The following TTC3 variants were observed in gnomAD, a reference collection of about 807,000 sequenced individuals.
TTC3 encodes E3 ubiquitin-protein ligase TTC3.
In TTC3, 180 loss-of-function variants were observed where a neutral mutation model predicts 249.6. The ratio of observed to expected loss-of-function variants is 0.72; its 90% CI spans 0.64 to 0.82. TTC3 has a LOEUF of 0.82. Among genes scored for constraint, TTC3 ranks in the 40% least tolerant of loss-of-function variants. The probability of loss-of-function intolerance (pLI) is 0.00; values close to 1 mark genes in which losing one functional copy is unlikely to be tolerated. For synonymous variants in TTC3, 717 were observed against 805.0 expected (o/e 0.89, Z 1.85); for missense variants, 2,061 against 2,398.4 (o/e 0.86, Z 2.94).
chr21:37,146,332 C>G (rs1245208128), intron 21 of TTC3, among the ~76,000 whole-genome samples: 1 of 152,046 alleles, frequency 6.6e-6, no homozygotes, highest in Non-Finnish European at 1.5e-5. Flanking sequence ...AGTTCAAGAC[C>G]AGCCTGGGCA....
chr21:37,121,626 C>A (rs556576461), intron 11 of TTC3, among the ~76,000 whole-genome samples, 191 bp from the exon 12 acceptor site: 14 of 152,234 alleles, frequency 9.2e-5, no homozygotes, highest in Non-Finnish European at 1.9e-4. Context: ...GTATTTATAA[C>A]TTTTCACTTA....
chr21:37,090,334 A>G, intron 6 of TTC3, 48 bp downstream of exon 6: 2 of 1,481,164 alleles, frequency 1.4e-6, no homozygotes, highest in Non-Finnish European at 1.9e-6. Context: ...GATGAGTGGC[A>G]GTCATCTCAC....
intron 10 of TTC3, chr21:37,108,112 G>A (rs1020358708): frequency 7.6e-6 from 2 of 264,046 alleles, no homozygotes; most frequent in Non-Finnish European, 1.4e-5. Context: ...GCTATGCATA[G>A]GTACAATGTC....
chr21:37,140,735 T>C, intron 20 of TTC3, 62 bp downstream of exon 20: 1 of 1,122,806 alleles, frequency 8.9e-7, no homozygotes, highest in Non-Finnish European at 1.3e-6. Flanking sequence ...TCCAATGTGA[T>C]AATGATCCAT....
At chr21:37,152,394 T>C (rs943581002) in intron 26 of TTC3, among the ~76,000 whole-genome samples, 1 of 150,610 alleles carries the variant, frequency 6.6e-6, no homozygotes, top group Non-Finnish European at 1.5e-5. Context: ...TTTTTTTTGT[T>C]TTTTTTTTTT....
chr21:37,199,029 T>C (rs2085223951), intron 44 of TTC3, among the ~76,000 whole-genome samples: 2 of 152,230 alleles, frequency 1.3e-5, no homozygotes, highest in Admixed American at 6.5e-5. Flanking sequence ...GGTCTGGCAC[T>C]TCCTCTTCTT....
At chr21:37,199,668 A>C (rs556607918) in intron 44 of TTC3, among the ~76,000 whole-genome samples, 2 of 152,242 alleles carry the variant, frequency 1.3e-5, no homozygotes, top group Non-Finnish European at 2.9e-5. Flanking sequence ...CCTTACCCTG[A>C]GGCAACCACT....
chr21:37,114,532 A>T (rs2075958324), intron 11 of TTC3, among the ~76,000 whole-genome samples: 1 of 152,212 alleles, frequency 6.6e-6, no homozygotes, highest in Non-Finnish European at 1.5e-5. Context: ...TCAAGAAACA[A>T]CAGGTGCTGG....
chr21:37,191,297 A>T (rs1241639607), intron 39 of TTC3, 37 bp from the exon 40 acceptor site: 2 of 1,460,580 alleles, frequency 1.4e-6, no homozygotes, highest in South Asian at 2.7e-5. Context: ...TTTAATTTTT[A>T]AAATTTCTAA....
chr21:37,095,210 A>C, intron 8 of TTC3, 140 bp from the exon 9 acceptor site: 1 of 591,494 alleles, frequency 1.7e-6, no homozygotes. Context: ...TGGGTATTGT[A>C]ATCTCATTTT....
At chr21:37,137,637 TTGAAA>T (rs2078077217) in intron 18 of TTC3, among the ~76,000 whole-genome samples, 1 of 152,158 alleles carries the variant, frequency 6.6e-6, no homozygotes. Flanking sequence ...TGGAATATTG[TTGAAA>T]TGAGAAACTT....
intron 28 of TTC3, 116 bp downstream of exon 28, chr21:37,157,022 C>A (rs60575476): frequency 5.5e-5 from 77 of 1,407,504 alleles, no homozygotes; most frequent in Non-Finnish European, 6.8e-5. Context: ...TATTATGGTA[C>A]AATCAGTTTA....
chr21:37,076,961 A>G (rs577361869), intron 1 of TTC3, among the ~76,000 whole-genome samples: 9 of 152,014 alleles, frequency 5.9e-5, no homozygotes, highest in Non-Finnish European at 1.3e-4. Context: ...TCGGCCTCCC[A>G]AAGTGCTGGG....
chr21:37,182,646 TG>T, intron 35 of TTC3, 127 bp from the exon 36 acceptor site: 1 of 967,450 alleles, frequency 1.0e-6, no homozygotes, highest in African/African-American at 1.7e-5. Flanking sequence ...GGCGCCAGCT[TG>T]GGAGTGTGTT....
At chr21:37,132,417 A>G (rs976902609) in intron 16 of TTC3, among the ~76,000 whole-genome samples, 3 of 151,380 alleles carry the variant, frequency 2.0e-5, no homozygotes, top group African/African-American at 7.3e-5. Flanking sequence ...GGCTCAAGCA[A>G]TTCTCCTGCC....
chr21:37,181,620 A>G (rs1478041183), intron 35 of TTC3, among the ~76,000 whole-genome samples: 1 of 152,232 alleles, frequency 6.6e-6, no homozygotes, highest in South Asian at 2.1e-4. Flanking sequence ...TTTGCCACCT[A>G]AGAACAGTTG....
At chr21:37,134,622 G>A (rs898230019) in intron 17 of TTC3, among the ~76,000 whole-genome samples, 1 of 152,168 alleles carries the variant, frequency 6.6e-6, no homozygotes, top group Non-Finnish European at 1.5e-5. Flanking sequence ...GTATAGCAAG[G>A]AGTGAGGAGA....
chr21:37,167,425 G>A, intron 33 of TTC3, 130 bp from the exon 34 acceptor site: 1 of 555,372 alleles, frequency 1.8e-6, no homozygotes, highest in Non-Finnish European at 3.1e-6. Flanking sequence ...CGGAAAGCAT[G>A]GAACATGATC....
In TTC3 at chr21:37,191,044, A is replaced by G. The variant is rs1229792695; in HGVS notation, c.5025-290A>G. Among the ~76,000 whole-genome samples, 4 of 152,230 alleles carry G rather than the reference A, an allele frequency of 2.6e-5. No homozygotes were observed. The East Asian group carries it at 7.7e-4, about 29-fold the overall frequency. On this transcript the variant is annotated intron_variant, in intron 39 of 45. Transcript: ENST00000355666. Reference sequence around the variant, plus strand: ...CTTTAATATTAAACATAAAGATGTCAGATGAAGAACGGTCAAACTTTCAAA... The same window carrying G: ...CTTTAATATTAAACATAAAGATGTCGGATGAAGAACGGTCAAACTTTCAAA...
Sources: allele counts gnomAD v4.1 joint callset (sites outside exome capture counted in the v4.1 genomes callset), GRCh38; gene constraint gnomAD v4.1.1; transcripts MANE v1.5; gene names NCBI Gene and HGNC (gene_info 2026-07-23, HGNC 2026-07-21).